Variants in ATP13A4 observed in about 807,000 individuals in gnomAD.
ATP13A4 encodes the protein probable cation-transporting ATPase 13A4.
ATP13A4 carries 114 observed loss-of-function variants against 142.5 expected under a neutral mutation model. The observed-to-expected ratio is 0.80, with a 90% CI of 0.69 to 0.93. The LOEUF (loss-of-function observed/expected upper bound fraction) is 0.93, where lower values mean the gene tolerates loss of function less well. Among genes scored for constraint, ATP13A4 ranks in the 40% least tolerant of loss-of-function variants. The pLI, the probability that ATP13A4 is intolerant of heterozygous loss-of-function variation, is 0.00. For missense variants in ATP13A4, 1,392 were observed against 1,454.0 expected (o/e 0.96, Z 0.69); for synonymous variants, 488 against 514.8 (o/e 0.95, Z 0.70).
In ATP13A4 at chr3:193,457,387, C is replaced by T. The variant is rs748202262; in HGVS notation, c.1753G>A (p.Ala585Thr). Residue 585 changes from alanine to threonine, a missense_variant, in exon 15 of 30, where the codon GCC becomes ACC. Physicochemically the swap from Ala to Thr is moderately conservative, Grantham distance 58 (BLOSUM62 0). Transcript: ENST00000342695. ...HAMVVKPCRT[A>T]SQVPVEGIAI... ...GAGCAAGCAGGGCTTACCTGGCTGGCTGTTCTGCAGGGCTTAACTACCATG... is the reference window on the plus strand; with the variant it reads ...GAGCAAGCAGGGCTTACCTGGCTGGTTGTTCTGCAGGGCTTAACTACCATG... 4.5e-5 allele frequency: 73 copies of T among 1,614,094 alleles called. No individual in the cohort carries two copies. Among genetic ancestry groups the T allele is most frequent in the Non-Finnish European group, 6.0e-5 (71 of 1,180,026 alleles).
chr3:193,457,705 G>T (rs148793970), intron 14 of ATP13A4, among the ~76,000 whole-genome samples: 1 of 152,220 alleles, frequency 6.6e-6, no homozygotes, highest in East Asian at 1.9e-4. Context: ...TGTTTTCTCT[G>T]TTGGAATGTG....
chr3:193,407,486 A>G (rs1714557618), intron 28 of ATP13A4, 93 bp from the exon 29 acceptor site: 3 of 959,982 alleles, frequency 3.1e-6, no homozygotes, highest in Admixed American at 1.9e-5. Context: ...CCTAGGTTAT[A>G]AATCTCATAT....
chr3:193,524,140 T>C (rs1190098596), intron 1 of ATP13A4, among the ~76,000 whole-genome samples: 3 of 152,172 alleles, frequency 2.0e-5, no homozygotes, highest in African/African-American at 7.2e-5. Flanking sequence ...TACCCTACTA[T>C]AGCAATATGA....
intron 26 of ATP13A4, among the ~76,000 whole-genome samples, chr3:193,413,483 T>C (rs1714885436): frequency 6.6e-6 from 1 of 152,202 alleles, no homozygotes; most frequent in African/African-American, 2.4e-5. Context: ...AATAGAGCCA[T>C]ATTTTTCTTC....
At chr3:193,589,982 CT>C (rs1317676437) in intron 1 of ATP13A4, among the ~76,000 whole-genome samples, 9 of 142,232 alleles carry the variant, frequency 6.3e-5, no homozygotes, top group African/African-American at 2.3e-4. Context: ...AAAAAAAGCT[CT>C]TTCTCATTGT....
At chr3:193,451,366 T>C (rs1717265635) in intron 17 of ATP13A4, among the ~76,000 whole-genome samples, 1 of 152,240 alleles carries the variant, frequency 6.6e-6, no homozygotes, top group African/African-American at 2.4e-5. Flanking sequence ...CTCTGGCTTA[T>C]GGCCTTTGTA....
chr3:193,563,918 G>A (rs1724079041), intron 2 of ATP13A4, among the ~76,000 whole-genome samples: 1 of 152,130 alleles, frequency 6.6e-6, no homozygotes, highest in African/African-American at 2.4e-5. Context: ...GAAAATGAGA[G>A]CCAGAAAAGT....
chr3:193,441,524 G>T lies in ATP13A4; in HGVS notation c.2381C>A (p.Ala794Asp), dbSNP rs766859579. Residue 794 changes from alanine to aspartate, a missense_variant, in exon 20 of 30, where the codon GCC becomes GAC. Ala to Asp is a moderately radical substitution (Grantham distance 126, BLOSUM62 -2). Coordinates refer to ENST00000342695, the MANE Select transcript of ATP13A4 (RefSeq NM_032279.4). The stretch of plus-strand genomic sequence containing the variant: ...AACATGAAAGGATTTTCCAGTTAGG[G>T]CAAAATGGTAACTTCCTTCTCTGCC... ...DKGREGSYHF[A>D]LTGKSFHVIS... 6.2e-7 allele frequency: 1 copy of T among 1,613,470 alleles called. No individual in the cohort carries two copies. Among genetic ancestry groups the T allele is most frequent in the Non-Finnish European group, 8.5e-7 (1 of 1,179,482 alleles).
intron 29 of ATP13A4, among the ~76,000 whole-genome samples, chr3:193,403,519 C>T (rs1302728086): frequency 6.6e-6 from 1 of 152,180 alleles, no homozygotes; most frequent in Non-Finnish European, 1.5e-5. Flanking sequence ...TAGCTCTCTC[C>T]CTTTGCCTAC....
At chr3:193,540,767 G>A (rs1722851250) in intron 1 of ATP13A4, among the ~76,000 whole-genome samples, 1 of 151,252 alleles carries the variant, frequency 6.6e-6, no homozygotes, top group Non-Finnish European at 1.5e-5. Flanking sequence ...ATAAAATCAT[G>A]CAGTATGATG....
chr3:193,541,288 G>GT (rs1351546627), intron 1 of ATP13A4, among the ~76,000 whole-genome samples: 1 of 146,314 alleles, frequency 6.8e-6, no homozygotes, highest in African/African-American at 2.5e-5. Flanking sequence ...AATAAATAGT[G>GT]TTTTTTGAAA....
At chr3:193,509,091 C>T (rs151270334) in intron 2 of ATP13A4, among the ~76,000 whole-genome samples, 114 of 152,126 alleles carry the variant, frequency 7.5e-4, no homozygotes, top group Admixed American at 2.8e-3. Flanking sequence ...AAAAAAGATT[C>T]GGGACTTAGA....
intron 6 of ATP13A4, 141 bp downstream of exon 6, chr3:193,491,188 T>G: frequency 1.3e-6 from 1 of 744,374 alleles, no homozygotes; most frequent in Admixed American, 1.9e-5. Context: ...GCAAGAGATA[T>G]GAGGATAATA....
chr3:193,507,084 C>A (rs79068170), intron 2 of ATP13A4, among the ~76,000 whole-genome samples: 4,107 of 152,092 alleles, frequency 0.027, 91 homozygotes, highest in Non-Finnish European at 0.042. Flanking sequence ...GTTCACTACA[C>A]AAAAAAATGT....
chr3:193,474,344 A>AAAACAAAC (rs1553847124), intron 8 of ATP13A4, among the ~76,000 whole-genome samples: 45 of 101,812 alleles, frequency 4.4e-4, no homozygotes, highest in African/African-American at 1.5e-3. Flanking sequence ...AAAAAAAAAA[A>AAAACAAAC]AAACAAACAA....
At chr3:193,550,071 G>A (rs1034718760) in intron 1 of ATP13A4, among the ~76,000 whole-genome samples, 7 of 152,170 alleles carry the variant, frequency 4.6e-5, no homozygotes, top group African/African-American at 7.2e-5. Flanking sequence ...CAGGGTGGAA[G>A]TCCCGTTGTA....
chr3:193,479,394 A>G (rs1719161183), intron 8 of ATP13A4, among the ~76,000 whole-genome samples: 1 of 152,160 alleles, frequency 6.6e-6, no homozygotes, highest in Non-Finnish European at 1.5e-5. Context: ...AAAAGCTCCT[A>G]GAACTGGTTA....
In ATP13A4 at chr3:193,470,897, A is replaced by T. The variant is rs1271870421; in HGVS notation, c.905T>A (p.Ile302Asn). Residue 302 changes from isoleucine to asparagine, a missense_variant, in exon 9 of 30, where the codon ATT becomes AAT. Transcript: ENST00000342695. ...TTCATCCACCACACAGCTGCCTTCA[A>T]TCAGAACGGCATCACATGGCATTAG... ...KVLMPCDAVL[I>N]EGSCVVDEGM... 1 of 1,614,168 alleles carries T rather than the reference A, an allele frequency of 6.2e-7. No homozygotes were observed. The highest frequency in any genetic ancestry group is 8.5e-7 in the Non-Finnish European group (1 of 1,180,028).
chr3:193,502,741 G>T, intron 2 of ATP13A4, 102 bp from the exon 3 acceptor site: 1 of 1,263,788 alleles, frequency 7.9e-7, no homozygotes, highest in African/African-American at 1.5e-5. Context: ...TAAGTGTTTG[G>T]CGTTAGTGAA....
Sources: gnomAD v4.1 joint callset for allele counts (sites outside exome capture counted in the v4.1 genomes callset) on GRCh38, gnomAD v4.1.1 for gene constraint, MANE v1.5 for transcripts, NCBI Gene and HGNC (gene_info 2026-07-23, HGNC 2026-07-21) for gene names.